Variants in CTBP2 observed in about 807,000 individuals in gnomAD.
CTBP2 encodes C-terminal-binding protein 2.
CTBP2 carries 30 observed loss-of-function variants against 80.3 expected under a neutral mutation model. The observed-to-expected ratio is 0.37, with a 90% CI of 0.28 to 0.51. The LOEUF (loss-of-function observed/expected upper bound fraction) is 0.51, where lower values mean the gene tolerates loss of function less well. Ranked by LOEUF, CTBP2 falls within the 20% of genes least tolerant of loss-of-function variation. The pLI is 0.93. For synonymous variants in CTBP2, 594 were observed against 587.4 expected (o/e 1.01, Z -0.16); for missense variants, 1,212 against 1,375.3 (o/e 0.88, Z 1.88).
rs527609798 is a variant in CTBP2 at position 125,099,242 on chromosome 10, C to T, written c.-102+11748G>A. 5.9e-5 allele frequency among the ~76,000 whole-genome samples: 9 copies of T among 152,346 alleles called. No individual in the cohort carries two copies. The South Asian group carries it at 1.9e-3, about 32-fold the overall frequency. ...TGCCAAGAGAAATCAATTAACCCCC[C>T]TTATCCATCAATTTATAGGAATAAA... On this transcript the variant is annotated intron_variant, in intron 2 of 10. Transcript: ENST00000337195.
intron 1 of CTBP2, among the ~76,000 whole-genome samples, chr10:125,115,070 C>A (rs1253491867): frequency 6.6e-6 from 1 of 152,156 alleles, no homozygotes; most frequent in Non-Finnish European, 1.5e-5. Context: ...GGATTCATCA[C>A]CCCTGCTTCA....
chr10:125,064,063 T>C (rs199844879), intron 2 of CTBP2, among the ~76,000 whole-genome samples: 10 of 147,328 alleles, frequency 6.8e-5, no homozygotes, highest in Non-Finnish European at 1.5e-4. Context: ...ATTAAAAAAA[T>C]AAATCACTGC....
chr10:125,110,846 A>G (rs1852188125), intron 2 of CTBP2, 144 bp downstream of exon 2: 3 of 152,268 alleles, frequency 2.0e-5, no homozygotes, highest in South Asian at 2.1e-4. Context: ...TTGAAAGACA[A>G]TCAATATGAT....
rs566934986 is a variant in CTBP2, at chr10:125,091,607, TACAA to T, written c.-102+19379_-102+19382del. Among the ~76,000 whole-genome samples, 39 of 152,262 alleles carry T rather than the reference TACAA, an allele frequency of 2.6e-4. 1 individual carries two copies. The South Asian group carries it at 6.8e-3, about 27-fold the overall frequency. On this transcript the variant is annotated intron_variant, in intron 2 of 10. Transcript: ENST00000337195. ...GGGCAACACAGGGAGACCCCATCTC[TACAA>T]ACAAACAAAAAATTAGCTGGGCATC...
At chr10:125,153,994 C>T (rs1351328251) in intron 1 of CTBP2, among the ~76,000 whole-genome samples, 1 of 152,224 alleles carries the variant, frequency 6.6e-6, no homozygotes, top group Non-Finnish European at 1.5e-5. Flanking sequence ...CGTGGCCCTT[C>T]CAGGCTTCTG....
intron 1 of CTBP2, among the ~76,000 whole-genome samples, chr10:125,111,941 C>A (rs1852353866): frequency 6.6e-6 from 1 of 151,930 alleles, no homozygotes; most frequent in South Asian, 2.1e-4. Flanking sequence ...CTGGAGAGCC[C>A]ATGTATGAAG....
At chr10:125,111,286 C>T (rs1247060700) in intron 1 of CTBP2, among the ~76,000 whole-genome samples, 193 bp from the exon 2 acceptor site, 1 of 152,132 alleles carries the variant, frequency 6.6e-6, no homozygotes, top group African/African-American at 2.4e-5. Context: ...CAGTAGAGCA[C>T]CAGAACAAAT....
At chr10:124,999,709 C>G (rs1954171215) in intron 3 of CTBP2, 1 of 152,264 alleles carries the variant, frequency 6.6e-6, no homozygotes, top group African/African-American at 2.4e-5. Flanking sequence ...TGCCAGGAAT[C>G]TTGCAGGAAA....
At chr10:124,992,668 T>C in intron 8 of CTBP2, 27 bp downstream of exon 10, 2 of 1,557,340 alleles carry the variant, frequency 1.3e-6, no homozygotes, top group Non-Finnish European at 1.8e-6. Context: ...GCTCACAAGC[T>C]GAGACAAAGT....
intron 1 of CTBP2, among the ~76,000 whole-genome samples, chr10:125,153,031 C>T (rs1206776410): frequency 6.6e-6 from 1 of 152,270 alleles, no homozygotes; most frequent in South Asian, 2.1e-4. Context: ...TTGGCTGGCA[C>T]TGGGAGCCAA....
chr10:125,125,293 A>G (rs989636954), intron 1 of CTBP2, among the ~76,000 whole-genome samples: 5 of 152,228 alleles, frequency 3.3e-5, no homozygotes, highest in Admixed American at 2.0e-4. Context: ...CCATCCGAGT[A>G]GCAAACACCA....
intron 2 of CTBP2, among the ~76,000 whole-genome samples, chr10:125,041,894 C>A (rs2135038358): frequency 6.6e-6 from 1 of 151,754 alleles, no homozygotes; most frequent in East Asian, 1.9e-4. Flanking sequence ...GAAAGATCAG[C>A]CATCAGCTTC....
intron 2 of CTBP2, among the ~76,000 whole-genome samples, chr10:125,070,596 T>C (rs186219888): frequency 3.3e-4 from 50 of 149,954 alleles, no homozygotes; most frequent in Non-Finnish European, 3.0e-4. Context: ...TGATTACCAA[T>C]TTTAATACGG....
At chr10:125,005,328 A>G (rs1219926535) in intron 1 of CTBP2, among the ~76,000 whole-genome samples, 1 of 152,218 alleles carries the variant, frequency 6.6e-6, no homozygotes, top group Non-Finnish European at 1.5e-5. Context: ...GGCTGGGAGA[A>G]ATCATGGCCC....
chr10:125,150,798 G>A (rs935196126), intron 1 of CTBP2, among the ~76,000 whole-genome samples: 6 of 149,742 alleles, frequency 4.0e-5, no homozygotes, highest in African/African-American at 1.5e-4. Flanking sequence ...GCTCTAGGAT[G>A]TTTTACATTC....
Position 125,027,842 on chromosome 10 carries a change from G to C in CTBP2, c.-83C>G. On this transcript the variant is annotated 5_prime_UTR_variant, in exon 1 of 9. Coordinates refer to ENST00000309035, the MANE Select transcript of CTBP2 (RefSeq NM_022802.3). ...ATTACATACATCAAAAACAGACCTG[G>C]CTGTGTGCTAACCCTTCCGAGACGG... 1 of 1,443,140 alleles carries C rather than the reference G, an allele frequency of 6.9e-7. No individual in the cohort carries two copies. The highest frequency in any genetic ancestry group is 9.1e-7 in the Non-Finnish European group (1 of 1,101,642). 89.4% of individuals were successfully genotyped at this position (1,443,140 alleles called of 1,614,324 possible).
At chr10:125,088,441 C>G in intron 2 of CTBP2, 1 of 152,182 alleles carries the variant, frequency 6.6e-6, no homozygotes. Context: ...CAAACGATGA[C>G]AGGAGGCATC....
intron 2 of CTBP2, among the ~76,000 whole-genome samples, chr10:125,088,918 G>T (rs1848384270): frequency 6.6e-6 from 1 of 152,150 alleles, no homozygotes; most frequent in Non-Finnish European, 1.5e-5. Context: ...CCAAGCCAAA[G>T]ATCAAGATGA....
At chr10:125,136,730 G>A (rs1417567415) in intron 1 of CTBP2, among the ~76,000 whole-genome samples, 1 of 152,216 alleles carries the variant, frequency 6.6e-6, no homozygotes, top group African/African-American at 2.4e-5. Context: ...CTACACAGCA[G>A]GGGCCAACGA....
Sources: gnomAD v4.1 joint callset for allele counts (sites outside exome capture counted in the v4.1 genomes callset) on GRCh38, gnomAD v4.1.1 for gene constraint, MANE v1.5 for transcripts, NCBI Gene and HGNC (gene_info 2026-07-23, HGNC 2026-07-21) for gene names.